ZFHX3: variants seen among roughly 807,000 people sequenced by gnomAD.
The protein encoded by ZFHX3 is zinc finger homeobox protein 3.
ZFHX3 carries 42 observed loss-of-function variants against 279.1 expected under a neutral mutation model. The ratio of observed to expected loss-of-function variants is 0.15; its 90% confidence interval spans 0.12 to 0.19. The LOEUF (loss-of-function observed/expected upper bound fraction) is 0.19, where lower values mean the gene tolerates loss of function less well. Among genes scored for constraint, ZFHX3 ranks in the 10% least tolerant of loss-of-function variants. The probability of loss-of-function intolerance (pLI) is 1.00; values close to 1 mark genes in which losing one functional copy is unlikely to be tolerated. For missense variants in ZFHX3, 4,981 were observed against 4,754.0 expected (o/e 1.05, Z -1.40); for synonymous variants, 2,293 against 1,957.8 (o/e 1.17, Z -4.52).
intron 7 of ZFHX3, among the ~76,000 whole-genome samples, chr16:73,119,945 C>CT (rs1239543097): frequency 1.3e-5 from 2 of 152,138 alleles, no homozygotes; most frequent in Non-Finnish European, 2.9e-5. Context: ...TGAGGCTGAG[C>CT]TTTCTTATTC....
chr16:73,715,706 C>T (rs1053600392), intron 1 of ZFHX3, among the ~76,000 whole-genome samples: 3 of 151,366 alleles, frequency 2.0e-5, no homozygotes, highest in African/African-American at 4.9e-5. Flanking sequence ...CAAGTAGCTG[C>T]GATTACAGGT....
intron 2 of ZFHX3, among the ~76,000 whole-genome samples, chr16:73,463,708 C>T (rs1026327531): frequency 1.3e-5 from 2 of 152,232 alleles, no homozygotes; most frequent in South Asian, 2.1e-4. Flanking sequence ...CTTCCAGATT[C>T]GCTGGCCCTC....
intron 1 of ZFHX3, among the ~76,000 whole-genome samples, chr16:73,873,173 T>G (rs569819518): frequency 1.9e-5 from 1 of 51,340 alleles, no homozygotes; most frequent in African/African-American, 9.1e-5. Flanking sequence ...TGGTGGTGGG[T>G]GGTGGGTGGT....
chr16:73,516,832 G>T (rs566339005), intron 2 of ZFHX3, among the ~76,000 whole-genome samples: 1 of 152,290 alleles, frequency 6.6e-6, no homozygotes, highest in African/African-American at 2.4e-5. Context: ...TGGGTGGATG[G>T]ACATTGAAGT....
At chr16:72,974,989 C>G (rs1962288018) in intron 1 of ZFHX3, among the ~76,000 whole-genome samples, 1 of 152,092 alleles carries the variant, frequency 6.6e-6, no homozygotes, top group African/African-American at 2.4e-5. Flanking sequence ...TCCTAGAGGC[C>G]CAGAGAGTTG....
intron 1 of ZFHX3, among the ~76,000 whole-genome samples, chr16:73,024,975 G>A (rs1055321074): frequency 3.9e-5 from 6 of 152,088 alleles, no homozygotes; most frequent in Admixed American, 1.3e-4. Context: ...CTTAGACACC[G>A]CCTGCCTCCT....
chr16:73,654,651 G>T (rs552932544), intron 2 of ZFHX3, among the ~76,000 whole-genome samples: 53 of 151,952 alleles, frequency 3.5e-4, no homozygotes, highest in Non-Finnish European at 5.7e-4. Context: ...ATTGTTGTAT[G>T]CAAGGTAAAT....
intron 1 of ZFHX3, among the ~76,000 whole-genome samples, chr16:73,029,293 G>C (rs941381076): frequency 6.6e-6 from 1 of 152,074 alleles, no homozygotes; most frequent in Non-Finnish European, 1.5e-5. Context: ...TCCTCACCTG[G>C]GTTCGCCATC....
chr16:73,191,226 C>T (rs1376468647), intron 5 of ZFHX3, among the ~76,000 whole-genome samples: 1 of 152,102 alleles, frequency 6.6e-6, no homozygotes, highest in Non-Finnish European at 1.5e-5. Flanking sequence ...CAGGTAGATC[C>T]ACTGGTTTGT....
chr16:73,765,815 C>T (rs944272166), intron 1 of ZFHX3, among the ~76,000 whole-genome samples: 13 of 152,148 alleles, frequency 8.5e-5, no homozygotes, highest in African/African-American at 2.4e-4. Flanking sequence ...TCTATTTTTC[C>T]GGATGGAGAT....
At chr16:73,458,964 C>T (rs2143576592) in intron 2 of ZFHX3, among the ~76,000 whole-genome samples, 1 of 152,290 alleles carries the variant, frequency 6.6e-6, no homozygotes, top group East Asian at 1.9e-4. Context: ...TGCCTAATTA[C>T]TGGAGTTAAT....
At chr16:73,590,224 T>C (rs1031533187) in intron 2 of ZFHX3, among the ~76,000 whole-genome samples, 20 of 152,204 alleles carry the variant, frequency 1.3e-4, no homozygotes, top group African/African-American at 3.1e-4. Context: ...TTTTCCAACA[T>C]TGTCTGTTAA....
intron 5 of ZFHX3, among the ~76,000 whole-genome samples, chr16:73,248,502 G>T (rs2013375097): frequency 6.6e-6 from 1 of 151,614 alleles, no homozygotes; most frequent in Admixed American, 6.6e-5. Context: ...ATGTGTCTAT[G>T]TGTGTGTGTA....
intron 1 of ZFHX3, among the ~76,000 whole-genome samples, chr16:73,819,128 A>T (rs1379429746): frequency 6.6e-6 from 1 of 152,050 alleles, no homozygotes; most frequent in Non-Finnish European, 1.5e-5. Flanking sequence ...GTCAATTACC[A>T]ATGGCATAGC....
intron 3 of ZFHX3, among the ~76,000 whole-genome samples, chr16:73,361,859 C>T (rs918998739): frequency 2.6e-5 from 4 of 152,178 alleles, no homozygotes; most frequent in Non-Finnish European, 5.9e-5. Flanking sequence ...CCCCATAACA[C>T]GTGGTACAGT....
intron 1 of ZFHX3, among the ~76,000 whole-genome samples, chr16:73,057,444 A>G (rs1199550340): frequency 2.0e-5 from 3 of 152,104 alleles, no homozygotes; most frequent in Non-Finnish European, 1.5e-5. Flanking sequence ...TGCATAATGT[A>G]AAATTCAGGA....
chr16:72,811,746 T>C lies in ZFHX3; in HGVS notation c.3695A>G (p.Asn1232Ser). The C allele has an allele frequency of 1.2e-6, 2 of 1,614,042 alleles. No homozygotes were observed. The highest frequency in any genetic ancestry group is 1.7e-6 in the Non-Finnish European group (2 of 1,179,984). ...CACCCGGAGCCGGTTGACATCGGCATTACTGTACTTGCAGTAGGGACACTG... is the reference window on the plus strand; with the variant it reads ...CACCCGGAGCCGGTTGACATCGGCACTACTGTACTTGCAGTAGGGACACTG... ...MYQCPYCKYS[N>S]ADVNRLRVHA... The change falls in exon 7 of 10, where the codon AAT becomes AGT. Residue 1232 changes from asparagine (N) to serine (S), a missense_variant. Asn to Ser is a conservative substitution (Grantham distance 46). Around this residue, in one of 7 missense-constraint regions of ZFHX3, gnomAD observed 1,751 missense variants for 1,770.0 expected, o/e 0.99. Transcript: ENST00000268489.
chr16:72,865,073 G>A (rs571782960), intron 4 of ZFHX3, among the ~76,000 whole-genome samples: 86 of 152,346 alleles, frequency 5.6e-4, no homozygotes, highest in African/African-American at 1.9e-3. Flanking sequence ...GATAGTGACA[G>A]CCGGCTGAAC....
At chr16:73,172,969 G>T (rs1420815742) in intron 5 of ZFHX3, among the ~76,000 whole-genome samples, 9 of 68,536 alleles carry the variant, frequency 1.3e-4, no homozygotes, top group African/African-American at 1.8e-4. Context: ...TTCTCCCCCT[G>T]CTGTTTCCTG....
Sources: allele counts gnomAD v4.1 joint callset (sites outside exome capture counted in the v4.1 genomes callset), GRCh38; gene constraint gnomAD v4.1.1; regional missense constraint gnomAD v4.1.1; transcripts MANE v1.5; gene names NCBI Gene and HGNC (gene_info 2026-07-23, HGNC 2026-07-21).